The following RAPGEF4 variants were observed in gnomAD, a reference collection of about 807,000 sequenced individuals.
RAPGEF4 encodes RAP guanine-nucleotide-exchange factor (GEF) 4.
RAPGEF4 carries 66 observed loss-of-function variants against 147.9 expected under a neutral mutation model. That is an observed-to-expected ratio of 0.45 (90% confidence interval 0.37 to 0.55). The LOEUF (loss-of-function observed/expected upper bound fraction) is 0.55, where lower values mean the gene tolerates loss of function less well. Ranked by LOEUF, RAPGEF4 falls within the 20% of genes least tolerant of loss-of-function variation. RAPGEF4 has a pLI of 0.00. For missense variants in RAPGEF4, 1,071 were observed against 1,257.3 expected (o/e 0.85, Z 2.24); for synonymous variants, 419 against 442.7 (o/e 0.95, Z 0.67).
chr2:172,753,671 A>C (rs1048924816), intron 1 of RAPGEF4, among the ~76,000 whole-genome samples: 4 of 152,172 alleles, frequency 2.6e-5, no homozygotes, highest in Admixed American at 6.5e-5. Context: ...ATAACAAATT[A>C]GTAATAAGTG....
At position 172,814,719 on chromosome 2, in the gene RAPGEF4, C is replaced by G. The variant is rs1688339952; in HGVS notation, c.444+294C>G. On this transcript the variant is annotated intron_variant, in intron 4 of 30. Transcript: ENST00000397081. ...TATGTATTTTCTCCCTTCTTTTCCA[C>G]AGATGTATTCTTAACCAGGGAACAA... 5.7e-5 allele frequency: 22 copies of G among 387,084 alleles called. 1 individual carries two copies. The highest frequency in any genetic ancestry group is 5.2e-4 in the South Asian group (21 of 40,214). The allele number at this position is 387,084 out of a possible 1,614,324, so 24.0% of individuals were successfully genotyped here.
At chr2:173,017,271 A>T (rs1420967401) in intron 20 of RAPGEF4, 67 bp downstream of exon 20, 2 of 1,537,320 alleles carry the variant, frequency 1.3e-6, no homozygotes, top group Admixed American at 1.7e-5. Flanking sequence ...GAAATATTAT[A>T]TTGCAGTATA....
chr2:172,920,638 T>C (rs1341540241), intron 5 of RAPGEF4, among the ~76,000 whole-genome samples: 1 of 152,182 alleles, frequency 6.6e-6, no homozygotes, highest in Non-Finnish European at 1.5e-5. Context: ...AGTTCCTGTG[T>C]GGCCTCAAAT....
In RAPGEF4 at chr2:172,990,821, G is replaced by A. The variant is rs752718664; in HGVS notation, c.1386G>A (p.Ala462=). 32 of 1,613,264 alleles carry A rather than the reference G, an allele frequency of 2.0e-5. No homozygotes were observed. The highest frequency in any genetic ancestry group is 1.7e-4 in the Middle Eastern group (1 of 6,060). The part of the protein sequence containing the change: ...DFNRILRDVE[A]NTVRLKEHDQ... The stretch of plus-strand genomic sequence containing the variant: ...ATTTGTATTTGCAGGACGTGGAGGC[G>A]AATACAGTCAGACTTAAAGAACATG... The change falls in exon 15 of 31, where the codon GCG becomes GCA. Residue 462 remains alanine (A), a synonymous_variant. Transcript: ENST00000397081.
chr2:172,985,805 A>G (rs1298388545), intron 12 of RAPGEF4, among the ~76,000 whole-genome samples: 3 of 152,226 alleles, frequency 2.0e-5, no homozygotes, highest in Non-Finnish European at 4.4e-5. Flanking sequence ...CCCTTCAGGA[A>G]GGGCCTGAGG....
Position 172,835,027 on chromosome 2 carries a change from A to G in RAPGEF4, c.444+20602A>G, listed in dbSNP as rs540830912. Among the ~76,000 whole-genome samples, 3 of 152,308 alleles carry G rather than the reference A, an allele frequency of 2.0e-5. No homozygotes were observed. The South Asian group carries it at 6.2e-4, about 32-fold the overall frequency. On this transcript the variant is annotated intron_variant, in intron 4 of 30. Coordinates refer to ENST00000397081, the MANE Select transcript of RAPGEF4 (RefSeq NM_007023.4). ...GAGTTTTTGCCCCCCACTAGCTGAC[A>G]CCAGTACGTTACAGAGTTGCTCTAA...
intron 17 of RAPGEF4, among the ~76,000 whole-genome samples, chr2:173,008,443 A>G (rs574815728): frequency 6.6e-6 from 1 of 152,308 alleles, no homozygotes; most frequent in South Asian, 2.1e-4. Flanking sequence ...GGAGAGGAAT[A>G]TGGCATGTTA....
chr2:172,972,967 C>G (rs1226164635), intron 10 of RAPGEF4, among the ~76,000 whole-genome samples: 1 of 152,192 alleles, frequency 6.6e-6, no homozygotes, highest in East Asian at 1.9e-4. Context: ...CACTTAATAA[C>G]ATATCACAGC....
intron 27 of RAPGEF4, among the ~76,000 whole-genome samples, chr2:173,035,165 C>T (rs183117983): frequency 2.0e-4 from 30 of 151,878 alleles, no homozygotes; most frequent in African/African-American, 7.0e-4. Context: ...AGCAATCCCC[C>T]GACCTCAGCC....
chr2:172,945,007 T>G (rs1687549374), intron 6 of RAPGEF4, among the ~76,000 whole-genome samples: 1 of 151,974 alleles, frequency 6.6e-6, no homozygotes, highest in Admixed American at 6.6e-5. Flanking sequence ...TTCTTGGAAA[T>G]TAGAAAAATA....
chr2:172,783,452 C>G (rs778359725), intron 1 of RAPGEF4, among the ~76,000 whole-genome samples: 3 of 152,160 alleles, frequency 2.0e-5, no homozygotes, highest in Non-Finnish European at 4.4e-5. Context: ...TCCACGTGCT[C>G]TGCTCCCTAG....
chr2:172,828,676 C>T (rs1234163299), intron 4 of RAPGEF4, among the ~76,000 whole-genome samples: 1 of 152,142 alleles, frequency 6.6e-6, no homozygotes, highest in African/African-American at 2.4e-5. Flanking sequence ...CTGCTCCTGC[C>T]TGGGTCTTCC....
intron 4 of RAPGEF4, among the ~76,000 whole-genome samples, chr2:172,843,356 T>C (rs1016652306): frequency 6.6e-6 from 1 of 152,202 alleles, no homozygotes; most frequent in Non-Finnish European, 1.5e-5. Flanking sequence ...TCCAACAGAA[T>C]TTGCCGGGGG....
intron 6 of RAPGEF4, among the ~76,000 whole-genome samples, chr2:172,931,779 A>G (rs902382274): frequency 2.0e-4 from 30 of 152,212 alleles, no homozygotes; most frequent in African/African-American, 6.3e-4. Flanking sequence ...AGGTTATGTG[A>G]GATTTTTTAA....
intron 3 of RAPGEF4, among the ~76,000 whole-genome samples, chr2:172,807,779 AAT>A (rs1477001145): frequency 4.6e-5 from 7 of 152,216 alleles, no homozygotes; most frequent in African/African-American, 1.7e-4. Context: ...GAAAGAAAAA[AAT>A]ATGTTTCTGT....
chr2:172,982,544 G>A (rs376902266), intron 10 of RAPGEF4, among the ~76,000 whole-genome samples: 2 of 152,132 alleles, frequency 1.3e-5, no homozygotes, highest in Non-Finnish European at 2.9e-5. Context: ...CTGACCAGTT[G>A]TATCTCCTAC....
chr2:172,913,492 G>C (rs1683677898), intron 4 of RAPGEF4, among the ~76,000 whole-genome samples: 1 of 152,200 alleles, frequency 6.6e-6, no homozygotes, highest in African/African-American at 2.4e-5. Context: ...GACTTGAGTG[G>C]CTGGAGGTGA....
Position 172,917,861 on chromosome 2 carries a change from C to T in RAPGEF4, c.504C>T (p.Gly168=), listed in dbSNP as rs1192917579. The part of the protein sequence containing the change: ...LAPPYGVMET[G]SNNDRIPDKE... Reference sequence around the variant, plus strand: ...CTCCTTATGGTGTTATGGAAACGGGCTCTAACAATGACAGTAAGTGGAAAA... The same window carrying T: ...CTCCTTATGGTGTTATGGAAACGGGTTCTAACAATGACAGTAAGTGGAAAA... The change falls in exon 5 of 31, where the codon GGC becomes GGT. Residue 168 remains glycine, a synonymous_variant. Transcript: ENST00000397081. 1 of 1,613,216 alleles carries T rather than the reference C, an allele frequency of 6.2e-7. No homozygotes were observed. Among genetic ancestry groups the T allele is most frequent in the Non-Finnish European group, 8.5e-7 (1 of 1,179,328 alleles).
At chr2:172,897,265 C>A (rs1698574814) in intron 4 of RAPGEF4, among the ~76,000 whole-genome samples, 1 of 152,090 alleles carries the variant, frequency 6.6e-6, no homozygotes, top group African/African-American at 2.4e-5. Flanking sequence ...CAGTTTTAGA[C>A]CATTTTTATT....
Sources: gnomAD v4.1 joint callset for allele counts (sites outside exome capture counted in the v4.1 genomes callset) on GRCh38, gnomAD v4.1.1 for gene constraint, MANE v1.5 for transcripts, NCBI Gene and HGNC (gene_info 2026-07-23, HGNC 2026-07-21) for gene names.